Variants in TRPM2 observed in about 807,000 individuals in gnomAD.
The protein encoded by TRPM2 is transient receptor potential cation channel subfamily M member 2.
Under a neutral mutation model 174.0 loss-of-function variants are expected in TRPM2, and 161 were observed. The ratio of observed to expected loss-of-function variants is 0.93; its 90% CI spans 0.81 to 1.05. TRPM2 has a LOEUF of 1.05. Among genes scored for constraint, TRPM2 ranks in the 50% least tolerant of loss-of-function variants. The pLI is 0.00. For synonymous variants in TRPM2, 954 were observed against 861.3 expected, an observed-to-expected ratio of 1.11 and a Z score of -1.88; for missense variants, 2,057 against 2,038.0, an observed-to-expected ratio of 1.01 and a Z score of -0.18.
intron 8 of TRPM2, among the ~76,000 whole-genome samples, chr21:44,381,588 G>GGATA (rs1377959075): frequency 6.6e-6 from 1 of 151,882 alleles, no homozygotes; most frequent in African/African-American, 2.4e-5. Flanking sequence ...ATGGATGGAT[G>GGATA]GATAGATAGA....
rs79434849 is a variant in TRPM2, at chr21:44,439,159, C to G, written c.4260C>G (p.Cys1420Trp). The change falls in exon 30 of 32, where the codon TGC becomes TGG. Residue 1420 changes from cysteine (C) to tryptophan (W), a missense_variant. Physicochemically the swap from Cys to Trp is radical, Grantham distance 215. Transcript: ENST00000397928. This position sits in a 1 kb window ranked among gnomAD's most constrained non-coding sequence, Gnocchi z 5.1. The stretch of plus-strand genomic sequence containing the variant: ...CGTCTTTTGAAAACTTGCTGAAGTG[C>G]GGCATGGAGGTATTCCTGGCCTGTT... ...HWPSFENLLK[C>W]GMEVYKGYMD... The G allele has an allele frequency of 1.9e-6, 3 of 1,613,086 alleles. No homozygotes were observed. The highest frequency in any genetic ancestry group is 4.5e-5 in the East Asian group (2 of 44,854).
intron 11 of TRPM2, among the ~76,000 whole-genome samples, chr21:44,392,769 G>C (rs1047371663): frequency 1.3e-5 from 2 of 152,134 alleles, no homozygotes; most frequent in Non-Finnish European, 1.5e-5. Context: ...CAGTACAAAA[G>C]GTTCTGCAGG....
intron 9 of TRPM2, among the ~76,000 whole-genome samples, chr21:44,386,797 T>C (rs1176658161): frequency 6.6e-6 from 1 of 151,632 alleles, no homozygotes; most frequent in Non-Finnish European, 1.5e-5. Context: ...GCCAAAATAA[T>C]TTTGAAAGGG....
chr21:44,353,955 G>T (rs1602108328), intron 1 of TRPM2, 90 bp downstream of exon 1: 2 of 1,470,474 alleles, frequency 1.4e-6, no homozygotes, highest in African/African-American at 2.9e-5. Context: ...GACGACGGGG[G>T]TGGGAAAGGG....
Position 44,406,818 on chromosome 21 carries a change from G to C in TRPM2, c.2962+53G>C, listed in dbSNP as rs2049900691. On this transcript the variant is annotated intron_variant, in intron 19 of 31. Transcript: ENST00000397928. ...GGTGGTGCTGCCGGGAAGCAGGAGA[G>C]AGGCTGGAAAGGGGCCGCATGAGTG... 9 of 1,553,494 alleles carry C rather than the reference G, an allele frequency of 5.8e-6. No homozygotes were observed. In the South Asian group the frequency reaches 7.0e-5, roughly 12 times the overall value.
Position 44,379,134 on chromosome 21 carries a change from C to G in TRPM2, c.1152C>G (p.Ser384Arg), listed in dbSNP as rs187815085. Residue 384 changes from serine (S) to arginine (R), a missense_variant, in exon 8 of 32, where the codon AGC (serine) becomes AGG (arginine). By Grantham distance (110) the Ser-to-Arg change is moderately radical. Transcript: ENST00000397928. The stretch of plus-strand genomic sequence containing the variant: ...TCTCCCTGATCCAGCAGAAACTGAG[C>G]GTGTTCTTCCAGGAGATGTTTGAGA... Reference protein sequence around the residue: ...ITISLIQQKLSVFFQEMFETF... With the variant: ...ITISLIQQKLRVFFQEMFETF... 6.2e-7 allele frequency: 1 copy of G among 1,613,590 alleles called. No individual in the cohort carries two copies. Among genetic ancestry groups the G allele is most frequent in the South Asian group, 1.1e-5 (1 of 91,082 alleles).
In TRPM2 at chr21:44,397,786, A is replaced by T. The variant is rs571337729; in HGVS notation, c.1972A>T (p.Ile658Phe). ...CGCAGCGGCCTTGGCCTGCAGCAAG[A>T]TCCTGAAGGAACTGTCCAAGGAGGA... ...CIAAALACSK[I>F]LKELSKEEED... The change falls in exon 13 of 32, where the codon ATC (isoleucine) becomes TTC (phenylalanine). Residue 658 changes from isoleucine to phenylalanine, a missense_variant. Coordinates refer to ENST00000397928, the MANE Select transcript of TRPM2 (RefSeq NM_003307.4). 1.0e-5 allele frequency: 16 copies of T among 1,602,544 alleles called. No individual in the cohort carries two copies. The highest frequency in any genetic ancestry group is 1.3e-5 in the Non-Finnish European group (15 of 1,174,952).
intron 2 of TRPM2, among the ~76,000 whole-genome samples, chr21:44,362,864 C>T (rs1349321239): frequency 1.3e-5 from 2 of 152,104 alleles, no homozygotes; most frequent in Non-Finnish European, 1.5e-5. Context: ...ACTTCCATCT[C>T]CTGGGTTCAA....
In TRPM2 at chr21:44,354,541, C is replaced by G. The variant is rs1602109434; in HGVS notation, c.166-107C>G. The G allele has an allele frequency of 6.0e-6, 6 of 1,003,992 alleles. No individual in the cohort carries two copies. Among genetic ancestry groups the G allele is most frequent in the Non-Finnish European group, 9.3e-6 (6 of 646,022 alleles). 62.2% of individuals were successfully genotyped at this position (1,003,992 alleles called of 1,614,324 possible). A position where few individuals can be genotyped will look rare whatever the true frequency, so the allele number is the denominator to read the frequency against. ...CAGGGTCGCGCAGGCTTCCTTCCTTCAAGCAAATAGTGTGAAAGCTCCTCA... is the reference window on the plus strand; with the variant it reads ...CAGGGTCGCGCAGGCTTCCTTCCTTGAAGCAAATAGTGTGAAAGCTCCTCA... On this transcript the variant is annotated intron_variant, in intron 1 of 31. Coordinates refer to ENST00000397928, the MANE Select transcript of TRPM2 (RefSeq NM_003307.4). The surrounding 1 kb of genome is among the most constrained non-coding windows in gnomAD (Gnocchi z 4.3).
intron 20 of TRPM2, chr21:44,415,684 G>A (rs1485506758): frequency 6.6e-6 from 1 of 152,168 alleles, no homozygotes; most frequent in Non-Finnish European, 1.5e-5. Flanking sequence ...AAATGTCTAG[G>A]ATTTTCTTTA....
intron 5 of TRPM2, among the ~76,000 whole-genome samples, chr21:44,373,093 C>G (rs1348157574): frequency 6.6e-6 from 1 of 152,166 alleles, no homozygotes; most frequent in East Asian, 1.9e-4. Flanking sequence ...CCACTCCTGG[C>G]TTCTGAGATG....
chr21:44,422,137 C>G, intron 22 of TRPM2: 1 of 1,031,378 alleles, frequency 9.7e-7, no homozygotes, highest in African/African-American at 1.6e-5. Context: ...TCAGCCCGTA[C>G]CAAGGGCCCT....
chr21:44,369,197 G>T lies in TRPM2; in HGVS notation c.625G>T (p.Gly209Trp). 1 of 1,611,462 alleles carries T rather than the reference G, an allele frequency of 6.2e-7. No homozygotes were observed. Among genetic ancestry groups the T allele is most frequent in the South Asian group, 1.1e-5 (1 of 90,714 alleles). ...CCCAGGGGCCTGGATCATCACAGGGGGGTCCCACACCGGCGTCATGAAGCA... is the reference window on the plus strand; with the variant it reads ...CCCAGGGGCCTGGATCATCACAGGGTGGTCCCACACCGGCGTCATGAAGCA... Reference protein sequence around the residue: ...QTTGAWIITGGSHTGVMKQVG... With the variant: ...QTTGAWIITGWSHTGVMKQVG... Residue 209 changes from glycine to tryptophan, a missense_variant, in exon 5 of 32, where the codon GGG (glycine) becomes TGG (tryptophan). Gly to Trp is a radical substitution (Grantham distance 184). Coordinates refer to ENST00000397928, the MANE Select transcript of TRPM2 (RefSeq NM_003307.4).
chr21:44,413,138 G>A (rs558497252), intron 19 of TRPM2, among the ~76,000 whole-genome samples: 13 of 151,288 alleles, frequency 8.6e-5, no homozygotes, highest in Admixed American at 2.6e-4. Flanking sequence ...TTCACTTGTC[G>A]ATACATTGCC....
At chr21:44,426,961 T>C in intron 26 of TRPM2, 49 bp from the exon 27 acceptor site, 1 of 1,530,810 alleles carries the variant, frequency 6.5e-7, no homozygotes. Flanking sequence ...GTCTGCTCTG[T>C]CCCACCTGCA....
intron 23 of TRPM2, among the ~76,000 whole-genome samples, chr21:44,424,242 CA>C (rs1225971839): frequency 6.6e-6 from 1 of 152,210 alleles, no homozygotes; most frequent in Non-Finnish European, 1.5e-5. Flanking sequence ...CTGCTGCTCC[CA>C]GCCTTGCTCT....
intron 9 of TRPM2, among the ~76,000 whole-genome samples, chr21:44,385,713 A>C (rs2048999586): frequency 6.6e-6 from 1 of 152,244 alleles, no homozygotes; most frequent in African/African-American, 2.4e-5. Context: ...ACAGTTCAGC[A>C]TGCCTTGGAA....
At chr21:44,379,533 C>T (rs537764349) in intron 8 of TRPM2, among the ~76,000 whole-genome samples, 5 of 152,330 alleles carry the variant, frequency 3.3e-5, no homozygotes, top group Non-Finnish European at 2.9e-5. Context: ...TCAGCCGAGT[C>T]GGGCAGCAGG....
At position 44,439,091 on chromosome 21, in the gene TRPM2, C is replaced by A. The variant is rs1360286445; in HGVS notation, c.4192C>A (p.Leu1398Ile). 3 of 1,613,356 alleles carry A rather than the reference C, an allele frequency of 1.9e-6. No homozygotes were observed. The highest frequency in any genetic ancestry group is 2.5e-6 in the Non-Finnish European group (3 of 1,179,826). The change falls in exon 30 of 32, where the codon CTA becomes ATA. Residue 1398 changes from leucine to isoleucine, a missense_variant. Coordinates refer to ENST00000397928, the MANE Select transcript of TRPM2 (RefSeq NM_003307.4). This position sits in a 1 kb window ranked among gnomAD's most constrained non-coding sequence, Gnocchi z 5.1. ...PGGSREPGEM[L>I]PRKLKRILRQ... The stretch of plus-strand genomic sequence containing the variant: ...GGGCTCCCGGGAGCCAGGGGAGATG[C>A]TACCTCGGAAGCTGAAGCGGATCCT...
Sources: allele counts gnomAD v4.1 joint callset (sites outside exome capture counted in the v4.1 genomes callset), GRCh38; gene constraint gnomAD v4.1.1; non-coding constraint Gnocchi (gnomAD v3.1); transcripts MANE v1.5; gene names NCBI Gene and HGNC (gene_info 2026-07-23, HGNC 2026-07-21).